The following TRIM16 variants were observed in gnomAD, a reference collection of about 807,000 sequenced individuals.
The protein encoded by TRIM16 is tripartite motif containing 16.
TRIM16 carries 33 observed loss-of-function variants against 50.4 expected under a neutral mutation model. The ratio of observed to expected loss-of-function variants is 0.65; its 90% CI spans 0.50 to 0.88. TRIM16 has a LOEUF of 0.88. Ranked by LOEUF, TRIM16 falls within the 40% of genes least tolerant of loss-of-function variation. The pLI, the probability that TRIM16 is intolerant of heterozygous loss-of-function variation, is 0.00. For missense variants in TRIM16, 581 were observed against 686.8 expected (o/e 0.85, Z 1.72); for synonymous variants, 229 against 270.7 (o/e 0.85, Z 1.51).
At chr17:15,662,638 T>C (rs1563011) in intron 6 of TRIM16, among the ~76,000 whole-genome samples, 7,440 of 152,258 alleles carry the variant, frequency 0.049, 259 homozygotes, top group East Asian at 0.14. Context: ...AGATCAGCCT[T>C]TGAAAGCTGC....
At chr17:15,639,644 G>A (rs1987027849) in intron 8 of TRIM16, among the ~76,000 whole-genome samples, 1 of 149,584 alleles carries the variant, frequency 6.7e-6, no homozygotes, top group Middle Eastern at 3.2e-3. Flanking sequence ...TTGGGAGGAG[G>A]AATAGTAGCA....
At chr17:15,680,834 T>G in intron 4 of TRIM16, 31 bp downstream of exon 4, 2 of 1,516,318 alleles carry the variant, frequency 1.3e-6, no homozygotes, top group Non-Finnish European at 1.8e-6. Context: ...AAAATAAAAT[T>G]TCCAAGAAGA....
At chr17:15,683,362 G>A in intron 1 of TRIM16, 1 of 466,580 alleles carries the variant, frequency 2.1e-6, no homozygotes. Flanking sequence ...GGGCCCTGCA[G>A]AGTCAGACAC....
In TRIM16 at chr17:15,652,455, C is replaced by CTTTTTT. The variant is rs34158100; in HGVS notation, c.-337-515_-337-510dup. Among the ~76,000 whole-genome samples, 3 of 65,358 alleles carry CTTTTTT rather than the reference C, an allele frequency of 4.6e-5. 1 individual carries two copies. Among genetic ancestry groups the CTTTTTT allele is most frequent in the African/African-American group, 1.8e-4 (2 of 11,050 alleles). 42.9% of individuals were successfully genotyped at this position (65,358 alleles called of 152,430 possible). The stretch of plus-strand genomic sequence containing the variant: ...ATTACAGGTGAGCCACGGTGCCCAC[C>CTTTTTT]TTTTTTTTTTTTTTTTTTTTTTTTT... On this transcript the variant is annotated intron_variant, in intron 6 of 11. Transcript: ENST00000649191.
At chr17:15,629,854 C>T (rs1986321604) in intron 11 of TRIM16, among the ~76,000 whole-genome samples, 1 of 152,164 alleles carries the variant, frequency 6.6e-6, no homozygotes, top group African/African-American at 2.4e-5. Flanking sequence ...CCCTGCTTTA[C>T]CCCCGACCTA....
chr17:15,665,645 C>A (rs1988468124), intron 6 of TRIM16, among the ~76,000 whole-genome samples: 1 of 152,028 alleles, frequency 6.6e-6, no homozygotes, highest in Non-Finnish European at 1.5e-5. Context: ...CTTTTCAGTC[C>A]AATTTTCTTA....
intron 6 of TRIM16, among the ~76,000 whole-genome samples, chr17:15,674,273 G>A (rs1222238436): frequency 6.6e-5 from 10 of 152,092 alleles, no homozygotes; most frequent in South Asian, 4.1e-4. Context: ...GGGAGGCTGA[G>A]GCAGGAGAAT....
chr17:15,654,063 A>G (rs186501219), intron 6 of TRIM16, among the ~76,000 whole-genome samples: 205 of 152,338 alleles, frequency 1.3e-3, no homozygotes, highest in African/African-American at 4.3e-3. Context: ...GATGGTTCCA[A>G]GATATTACAC....
At position 15,639,203 on chromosome 17, in the gene TRIM16, G is replaced by A. The variant is rs574151730; in HGVS notation, c.616-2934C>T. Reference sequence around the variant, plus strand: ...AGAAACCACAGGTGCATGCCTTCATGCCCAACTAATTTTTATATTTTTTGT... The same window carrying A: ...AGAAACCACAGGTGCATGCCTTCATACCCAACTAATTTTTATATTTTTTGT... On this transcript the variant is annotated intron_variant, in intron 8 of 11. Transcript: ENST00000649191. Among the ~76,000 whole-genome samples the A allele has an allele frequency of 3.4e-3, 493 of 143,720 alleles. 16 individuals carry two copies. Among genetic ancestry groups the A allele is most frequent in the African/African-American group, 0.013 (471 of 37,422 alleles). The allele number at this position is 143,720 out of a possible 152,430, so 94.3% of individuals were successfully genotyped here.
Position 15,651,391 on chromosome 17 carries a change from T to C in TRIM16, c.219A>G (p.Lys73=), listed in dbSNP as rs1460747445. The C allele has an allele frequency of 6.2e-7, 1 of 1,614,126 alleles. No homozygotes were observed. Among genetic ancestry groups the C allele is most frequent in the Non-Finnish European group, 8.5e-7 (1 of 1,180,044 alleles). ...AEQGDPAGEG[K]EVLCDFCLDD... ...CAAGGCAGAAGTCACACAGGACCTC[T>C]TTCCCCTCACCAGCAGGATCCCCCT... The change falls in exon 7 of 12, where the codon AAA becomes AAG. Residue 73 remains lysine, a synonymous_variant. Coordinates refer to ENST00000649191, the MANE Select transcript of TRIM16 (RefSeq NM_001348119.1).
rs1266402570 is a variant in TRIM16 at position 15,636,255 on chromosome 17, C to G, written c.630G>C (p.Glu210Asp). ...NQKSVLVSVSEVKAVAEMQFG... is the reference protein window; with the variant it reads ...NQKSVLVSVSDVKAVAEMQFG... ...ACTGCATTTCAGCCACCGCTTTGAC[C>G]TCTGACACCGACACCTGGCAGGGGG... The change falls in exon 9 of 12, where the codon GAG becomes GAC. Residue 210 changes from glutamate (E) to aspartate (D), a missense_variant. Around this residue, in one of 3 missense-constraint regions of TRIM16, gnomAD observed 450 missense variants for 544.3 expected, o/e 0.83. Transcript: ENST00000649191. 6.2e-7 allele frequency: 1 copy of G among 1,608,594 alleles called. No homozygotes were observed. The highest frequency in any genetic ancestry group is 1.7e-5 in the Admixed American group (1 of 59,896).
Position 15,636,277 on chromosome 17 carries a change from G to A in TRIM16, c.616-8C>T. 4 of 1,608,064 alleles carry A rather than the reference G, an allele frequency of 2.5e-6. No individual in the cohort carries two copies. The highest frequency in any genetic ancestry group is 3.4e-6 in the Non-Finnish European group (4 of 1,177,832). ...GACCTCTGACACCGACACCTGGCAG[G>A]GGGTGGGGGTGGAAGGCAGCCAAAC... On this transcript the variant is annotated splice_region_variant and splice_polypyrimidine_tract_variant and intron_variant, in intron 8 of 11. Transcript: ENST00000649191.
intron 8 of TRIM16, among the ~76,000 whole-genome samples, chr17:15,642,303 T>A (rs946956762): frequency 6.7e-6 from 1 of 149,014 alleles, no homozygotes; most frequent in Admixed American, 6.7e-5. Context: ...TCTCAACTCC[T>A]TTTTTCCAGC....
intron 6 of TRIM16, among the ~76,000 whole-genome samples, chr17:15,667,658 T>C (rs1331055190): frequency 6.6e-6 from 1 of 152,198 alleles, no homozygotes; most frequent in Non-Finnish European, 1.5e-5. Context: ...AATTCCATCA[T>C]TTCTATGGAA....
chr17:15,665,031 C>CA (rs10559243), intron 6 of TRIM16, among the ~76,000 whole-genome samples: 413 of 75,198 alleles, frequency 5.5e-3, no homozygotes, highest in Middle Eastern at 0.016. Flanking sequence ...GACTCCGTCT[C>CA]AAAAAAAAAA....
rs1987693476 is a variant in TRIM16 at position 15,651,378 on chromosome 17, C to CA, written c.231dup (p.Asp78Ter). On this transcript the variant is annotated frameshift_variant, in exon 7 of 12. Transcript: ENST00000649191. LOFTEE classifies it high-confidence loss of function. ...CTTCTGGTGTCATCAAGGCAGAAGT[C>CA]ACACAGGACCTCTTTCCCCTCACCA... 6.2e-7 allele frequency: 1 copy of CA among 1,614,228 alleles called. No individual in the cohort carries two copies. The highest frequency in any genetic ancestry group is 1.3e-5 in the African/African-American group (1 of 75,062).
intron 6 of TRIM16, among the ~76,000 whole-genome samples, chr17:15,663,357 T>G (rs1381741859): frequency 6.6e-6 from 1 of 152,154 alleles, no homozygotes; most frequent in Non-Finnish European, 1.5e-5. Context: ...ACAAAATAAG[T>G]ACAGAATATG....
chr17:15,631,638 G>C lies in TRIM16; in HGVS notation c.1092C>G (p.Thr364=). The change falls in exon 11 of 12, where the codon ACC becomes ACG. Residue 364 remains threonine (T), a synonymous_variant. Transcript: ENST00000649191. ...ACTTACATTGGAGGAACTGTTCCCT[G>C]GTGCTGGGCTCAGGTTTGGAAGTCC... ...KYWTSKPEPS[T]REQFLQYAYD... 1.2e-6 allele frequency: 2 copies of C among 1,613,940 alleles called. No homozygotes were observed. The highest frequency in any genetic ancestry group is 2.2e-5 in the South Asian group (2 of 91,072).
At chr17:15,658,814 G>A in intron 6 of TRIM16, 1 of 985,422 alleles carries the variant, frequency 1.0e-6, no homozygotes, top group Non-Finnish European at 1.2e-6. Flanking sequence ...GGAGGTGCAG[G>A]CCCAATGAAC....
Sources: gnomAD v4.1 joint callset for allele counts (sites outside exome capture counted in the v4.1 genomes callset) on GRCh38, gnomAD v4.1.1 for gene constraint, gnomAD v4.1.1 regional missense constraint, MANE v1.5 for transcripts, NCBI Gene and HGNC (gene_info 2026-07-23, HGNC 2026-07-21) for gene names.